The following TSGA10 variants were observed in gnomAD, a reference collection of about 807,000 sequenced individuals.
The protein encoded by TSGA10 is testis-specific gene 10 protein.
Under a neutral mutation model 96.6 loss-of-function variants are expected in TSGA10, and 43 were observed. That is an observed-to-expected ratio of 0.44 (90% CI 0.35 to 0.57). TSGA10 has a LOEUF of 0.57. Ranked by LOEUF, TSGA10 falls within the 20% of genes least tolerant of loss-of-function variation. TSGA10 has a pLI of 0.01. For missense variants in TSGA10, 703 were observed against 834.4 expected (o/e 0.84, Z 1.94); for synonymous variants, 229 against 269.9 (o/e 0.85, Z 1.48).
intron 16 of TSGA10, among the ~76,000 whole-genome samples, chr2:99,050,663 A>G (rs536663440): frequency 3.4e-4 from 52 of 152,306 alleles, no homozygotes; most frequent in Admixed American, 3.1e-3. Flanking sequence ...CACAAAATGC[A>G]GGGATGAAAA....
intron 10 of TSGA10, among the ~76,000 whole-genome samples, chr2:99,094,912 G>C (rs748936880): frequency 6.6e-6 from 1 of 152,068 alleles, no homozygotes; most frequent in African/African-American, 2.4e-5. Flanking sequence ...TCTACCCAGA[G>C]GAAAAGAAGT....
chr2:99,054,167 A>G (rs2083719971), intron 16 of TSGA10, among the ~76,000 whole-genome samples: 1 of 152,186 alleles, frequency 6.6e-6, no homozygotes, highest in Non-Finnish European at 1.5e-5. Context: ...GTAGTGCCAT[A>G]AAAAGCAGAC....
chr2:99,153,566 G>GA lies in TSGA10; in HGVS notation c.-621+1126dup, dbSNP rs1266756147. On this transcript the variant is annotated intron_variant, in intron 1 of 20. Transcript: ENST00000393483. The stretch of plus-strand genomic sequence containing the variant: ...TAAAACCTCTTCATCAAGAAACTAG[G>GA]AAAAAAAACCAAAGTTGTACCATCT... Among the ~76,000 whole-genome samples, 4 of 151,840 alleles carry GA rather than the reference G, an allele frequency of 2.6e-5. No individual in the cohort carries two copies. The South Asian group carries it at 6.2e-4, about 24-fold the overall frequency.
chr2:99,008,992 G>A (rs995179759), intron 20 of TSGA10, among the ~76,000 whole-genome samples: 1 of 152,130 alleles, frequency 6.6e-6, no homozygotes, highest in Admixed American at 6.5e-5. Flanking sequence ...AAACCACAAA[G>A]AAAGGGGGTG....
chr2:99,112,951 A>G (rs2091943992), intron 4 of TSGA10, among the ~76,000 whole-genome samples: 1 of 150,604 alleles, frequency 6.6e-6, no homozygotes, highest in South Asian at 2.1e-4. Context: ...ATCACACACA[A>G]AAGTAACAAT....
chr2:99,117,291 C>T (rs1185574205), intron 4 of TSGA10: 1 of 152,620 alleles, frequency 6.6e-6, no homozygotes, highest in Non-Finnish European at 1.5e-5. Flanking sequence ...ACATTTAGTT[C>T]ACGGAACATT....
chr2:99,073,164 T>A, intron 12 of TSGA10, 91 bp from the exon 13 acceptor site: 1 of 833,894 alleles, frequency 1.2e-6, no homozygotes. Context: ...TCCCTTTCCC[T>A]TTAGGTTTCC....
intron 1 of TSGA10, chr2:99,150,848 T>A (rs1282496043): frequency 3.2e-6 from 5 of 1,545,870 alleles, no homozygotes; most frequent in Non-Finnish European, 4.4e-6. Context: ...AATTTGTACG[T>A]ATTACCAAAG....
At chr2:99,074,351 C>CGTGTGTGTGTGTGTGTGT (rs147220063) in intron 12 of TSGA10, among the ~76,000 whole-genome samples, 1,904 of 145,108 alleles carry the variant, frequency 0.013, 57 homozygotes, top group East Asian at 0.11. Flanking sequence ...CACATATTTG[C>CGTGTGTGTGTGTGTGTGT]GTGTGTGTGT....
intron 10 of TSGA10, among the ~76,000 whole-genome samples, chr2:99,097,619 AT>A (rs565310753): frequency 6.6e-6 from 1 of 152,286 alleles, no homozygotes; most frequent in Admixed American, 6.5e-5. Context: ...CAATAAAATG[AT>A]TTTTTAAATA....
intron 17 of TSGA10, among the ~76,000 whole-genome samples, chr2:99,021,496 T>C (rs971268823): frequency 6.6e-6 from 1 of 152,098 alleles, no homozygotes; most frequent in African/African-American, 2.4e-5. Flanking sequence ...TACAAGTAAA[T>C]TATAAACGTA....
At chr2:99,005,320 G>C (rs984147740) in intron 20 of TSGA10, among the ~76,000 whole-genome samples, 59 of 152,084 alleles carry the variant, frequency 3.9e-4, no homozygotes, top group African/African-American at 1.3e-3. Context: ...AGAAACAAAG[G>C]GTATTCAAAT....
At chr2:99,004,684 T>C (rs1424673928) in intron 20 of TSGA10, among the ~76,000 whole-genome samples, 4 of 149,664 alleles carry the variant, frequency 2.7e-5, no homozygotes, top group Non-Finnish European at 4.5e-5. Flanking sequence ...CAGAACCAGA[T>C]GGATTCACAG....
intron 1 of TSGA10, chr2:99,150,530 A>C (rs1331660727): frequency 6.2e-7 from 1 of 1,602,840 alleles, no homozygotes. Flanking sequence ...GTACCTGCAA[A>C]TTACTTTCAC....
chr2:99,085,634 AGT>A (rs2088217067), intron 10 of TSGA10, among the ~76,000 whole-genome samples: 4 of 147,702 alleles, frequency 2.7e-5, no homozygotes, highest in African/African-American at 5.0e-5. Flanking sequence ...AAAAAAAAAA[AGT>A]TGTTTTTTTG....
At chr2:99,126,128 G>C (rs574759291) in intron 2 of TSGA10, 1 of 152,548 alleles carries the variant, frequency 6.6e-6, no homozygotes, top group African/African-American at 2.4e-5. Flanking sequence ...GCACAAGTGG[G>C]GCACAAGTGT....
intron 2 of TSGA10, among the ~76,000 whole-genome samples, chr2:99,121,440 C>G (rs144509479): frequency 0.047 from 3 of 64 alleles, no homozygotes; most frequent in Non-Finnish European, 0.071. Flanking sequence ...GTATACCAGA[C>G]ATCCTTCTGT....
chr2:99,071,662 A>G (rs1043037925), intron 14 of TSGA10, 44 bp downstream of exon 14: 5 of 1,569,752 alleles, frequency 3.2e-6, no homozygotes, highest in Non-Finnish European at 4.3e-6. Context: ...CAAGAAATTC[A>G]TATTTTTTTT....
chr2:99,017,922 C>T (rs932140256), intron 20 of TSGA10, among the ~76,000 whole-genome samples: 4 of 151,756 alleles, frequency 2.6e-5, no homozygotes, highest in South Asian at 4.2e-4. Flanking sequence ...AGGAACTTAT[C>T]GGTGTAACAA....
Sources: gnomAD v4.1 joint callset for allele counts (sites outside exome capture counted in the v4.1 genomes callset) on GRCh38, gnomAD v4.1.1 for gene constraint, MANE v1.5 for transcripts, NCBI Gene and HGNC (gene_info 2026-07-23, HGNC 2026-07-21) for gene names.